MSI2: variants seen among roughly 807,000 people sequenced by gnomAD.
MSI2 encodes the protein RNA-binding protein Musashi homolog 2.
MSI2 carries 17 observed loss-of-function variants against 45.6 expected under a neutral mutation model. The ratio of observed to expected loss-of-function variants is 0.37; its 90% CI spans 0.26 to 0.56. The LOEUF is 0.56. MSI2 is among the 20% of genes least tolerant of loss of function. The pLI, the probability that MSI2 is intolerant of heterozygous loss-of-function variation, is 0.77. For synonymous variants in MSI2, 156 were observed against 158.2 expected, an observed-to-expected ratio of 0.99 and a Z score of 0.11; for missense variants, 293 against 444.2, an observed-to-expected ratio of 0.66 and a Z score of 3.06.
intron 9 of MSI2, among the ~76,000 whole-genome samples, chr17:57,622,777 G>A (rs908758043): frequency 2.6e-5 from 4 of 152,292 alleles, no homozygotes; most frequent in Admixed American, 1.3e-4. Flanking sequence ...CAATTTCGAC[G>A]GGGATCTGGC....
At chr17:57,284,342 C>T (rs1308499290) in intron 5 of MSI2, among the ~76,000 whole-genome samples, 3 of 152,072 alleles carry the variant, frequency 2.0e-5, no homozygotes, top group Non-Finnish European at 2.9e-5. Context: ...GCACCCGCCA[C>T]CCCGAAACGT....
At chr17:57,503,899 G>A (rs1167136984) in intron 6 of MSI2, among the ~76,000 whole-genome samples, 1 of 152,112 alleles carries the variant, frequency 6.6e-6, no homozygotes, top group African/African-American at 2.4e-5. Flanking sequence ...CGTGCACCAC[G>A]ATGCCCAGCT....
At chr17:57,467,937 C>A (rs1261810320) in intron 6 of MSI2, among the ~76,000 whole-genome samples, 1 of 145,794 alleles carries the variant, frequency 6.9e-6, no homozygotes, top group African/African-American at 2.5e-5. Context: ...ATCTGGCAGT[C>A]CCCTGCCAGA....
rs1236667262 is a variant in MSI2 at position 57,596,340 on chromosome 17, TGC to T, written c.455-524_455-523del. ...GAAGCAGCAGTATAAAAAGGATGCC[TGC>T]GCGGAACAGAGGCCTGAAACTTTTA... On this transcript the variant is annotated intron_variant, in intron 7 of 13. Coordinates refer to ENST00000284073, the MANE Select transcript of MSI2 (RefSeq NM_138962.4). The surrounding 1 kb of genome is among the most constrained non-coding windows in gnomAD (Gnocchi z 4.6). 1.3e-5 allele frequency among the ~76,000 whole-genome samples: 2 copies of T among 152,192 alleles called. No individual in the cohort carries two copies. The highest frequency in any genetic ancestry group is 2.1e-4 in the South Asian group (1 of 4,822).
chr17:57,425,510 G>C (rs1434168662), intron 6 of MSI2, among the ~76,000 whole-genome samples: 1 of 152,122 alleles, frequency 6.6e-6, no homozygotes, highest in Non-Finnish European at 1.5e-5. Context: ...TTTGCCAGAT[G>C]GCCTTTTCTG....
At chr17:57,450,106 A>G (rs778391904) in intron 6 of MSI2, 1 of 152,126 alleles carries the variant, frequency 6.6e-6, no homozygotes, top group Non-Finnish European at 1.5e-5. Context: ...ATCAAAGTTT[A>G]TAGGCACTAG....
downstream of MSI2, chr17:57,685,726 T>G (rs1913860840): frequency 6.6e-6 from 1 of 152,238 alleles, no homozygotes; most frequent in Non-Finnish European, 1.5e-5. Flanking sequence ...CAGACAGCAC[T>G]CCACAGTGTC....
chr17:57,281,202 T>C (rs1338454122), intron 5 of MSI2, among the ~76,000 whole-genome samples: 1 of 152,160 alleles, frequency 6.6e-6, no homozygotes, highest in African/African-American at 2.4e-5. Flanking sequence ...TCCCCTGTGG[T>C]CCAGCAGGTT....
chr17:57,575,961 A>AAAAAAAG (rs3059119), intron 7 of MSI2, among the ~76,000 whole-genome samples: 12 of 134,476 alleles, frequency 8.9e-5, no homozygotes, highest in Non-Finnish European at 1.9e-4. Flanking sequence ...AAAAAAAAAA[A>AAAAAAAG]AAAAAAAAAA....
chr17:57,649,847 G>A (rs1910996194), intron 10 of MSI2, among the ~76,000 whole-genome samples: 1 of 152,226 alleles, frequency 6.6e-6, no homozygotes, highest in African/African-American at 2.4e-5. Flanking sequence ...GCTCCCAAGG[G>A]GCTAGGCCAG....
At chr17:57,635,101 T>C (rs1240332691) in intron 10 of MSI2, among the ~76,000 whole-genome samples, 1 of 152,218 alleles carries the variant, frequency 6.6e-6, no homozygotes, top group Non-Finnish European at 1.5e-5. Flanking sequence ...CTTAGCAATT[T>C]CTGCTACATA....
chr17:57,419,826 C>T (rs1249910318), intron 6 of MSI2, among the ~76,000 whole-genome samples: 1 of 152,198 alleles, frequency 6.6e-6, no homozygotes, highest in Non-Finnish European at 1.5e-5. Context: ...ACATTCTGAC[C>T]TTGGTCTCTT....
chr17:57,660,089 A>G (rs1911882472), intron 11 of MSI2, among the ~76,000 whole-genome samples: 1 of 152,228 alleles, frequency 6.6e-6, no homozygotes, highest in South Asian at 2.1e-4. Flanking sequence ...TGGAAGCTCC[A>G]TAGAAGAGTG....
intron 5 of MSI2, among the ~76,000 whole-genome samples, chr17:57,334,002 C>T (rs1914492410): frequency 6.6e-6 from 1 of 152,074 alleles, no homozygotes. Context: ...CCTATAGTAC[C>T]TTGGTGATCC....
intron 8 of MSI2, among the ~76,000 whole-genome samples, chr17:57,605,840 T>G (rs1906513071): frequency 6.6e-6 from 1 of 152,246 alleles, no homozygotes; most frequent in Non-Finnish European, 1.5e-5. Context: ...TAAATGAAGT[T>G]AGGCCCCACG....
intron 5 of MSI2, among the ~76,000 whole-genome samples, chr17:57,319,116 C>A (rs552281378): frequency 6.6e-6 from 1 of 152,338 alleles, no homozygotes; most frequent in Admixed American, 6.5e-5. Context: ...TTATGCAGAG[C>A]AGGGCCTTCT....
chr17:57,617,156 C>A (rs116087137), intron 9 of MSI2, among the ~76,000 whole-genome samples: 1 of 152,252 alleles, frequency 6.6e-6, no homozygotes, highest in African/African-American at 2.4e-5. Context: ...GCAGGTAAAA[C>A]TATTTTGAGG....
At chr17:57,670,112 G>A (rs1035828514) in intron 11 of MSI2, among the ~76,000 whole-genome samples, 4 of 152,184 alleles carry the variant, frequency 2.6e-5, no homozygotes, top group Non-Finnish European at 5.9e-5. Context: ...TCTCTGAATC[G>A]GTAATAATTC....
rs114624770 is a variant in MSI2 at position 57,344,555 on chromosome 17, A to G, written c.313-56824A>G. On this transcript the variant is annotated intron_variant, in intron 5 of 13. Transcript: ENST00000284073. The stretch of plus-strand genomic sequence containing the variant: ...GGGGATTGCATTTAGAGACCAAGAT[A>G]AGAAGGTTACTAGAGCGTCTTTGCT... 4.0e-3 allele frequency among the ~76,000 whole-genome samples: 613 copies of G among 152,352 alleles called. 2 individuals carry two copies. Among genetic ancestry groups the G allele is most frequent in the African/African-American group, 0.014 (585 of 41,584 alleles).
Sources: allele counts gnomAD v4.1 joint callset (sites outside exome capture counted in the v4.1 genomes callset), GRCh38; gene constraint gnomAD v4.1.1; non-coding constraint Gnocchi (gnomAD v3.1); transcripts MANE v1.5; gene names NCBI Gene and HGNC (gene_info 2026-07-23, HGNC 2026-07-21).